LAMA1: variants seen among roughly 807,000 people sequenced by gnomAD.
The protein encoded by LAMA1 is laminin subunit alpha 1, also known as laminin subunit alpha-1.
LAMA1 carries 219 observed loss-of-function variants against 348.7 expected under a neutral mutation model. The ratio of observed to expected loss-of-function variants is 0.63; its 90% confidence interval spans 0.56 to 0.70. LAMA1 has a LOEUF of 0.70. Among genes scored for constraint, LAMA1 ranks in the 30% least tolerant of loss-of-function variants. The pLI, the probability that LAMA1 is intolerant of heterozygous loss-of-function variation, is 0.00. For synonymous variants in LAMA1, 1,487 were observed against 1,491.0 expected (o/e 1.00, Z 0.06); for missense variants, 3,744 against 3,888.0 (o/e 0.96, Z 0.99).
At chr18:7,013,411 T>A (rs185500647) in intron 23 of LAMA1, among the ~76,000 whole-genome samples, 1 of 152,172 alleles carries the variant, frequency 6.6e-6, no homozygotes, top group Non-Finnish European at 1.5e-5. Context: ...AAGTCTTACC[T>A]CTTGGGAAAA....
intron 47 of LAMA1, 54 bp downstream of exon 47, chr18:6,973,003 A>G: frequency 6.2e-7 from 1 of 1,603,420 alleles, no homozygotes; most frequent in South Asian, 1.1e-5. Flanking sequence ...TGACTTTTAT[A>G]TATAGGTAAA....
chr18:7,056,335 A>G (rs1386655467), intron 3 of LAMA1, among the ~76,000 whole-genome samples: 1 of 152,210 alleles, frequency 6.6e-6, no homozygotes, highest in Non-Finnish European at 1.5e-5. Context: ...GGTCATTTAC[A>G]AAGACATCTG....
chr18:7,092,347 A>G (rs1256264473), intron 1 of LAMA1, among the ~76,000 whole-genome samples: 1 of 152,188 alleles, frequency 6.6e-6, no homozygotes, highest in Non-Finnish European at 1.5e-5. Context: ...AATCACTAAG[A>G]ATGCCGGCTG....
intron 36 of LAMA1, among the ~76,000 whole-genome samples, chr18:6,989,899 A>G (rs2057751321): frequency 6.6e-6 from 1 of 152,298 alleles, no homozygotes; most frequent in Admixed American, 6.5e-5. Flanking sequence ...TGCAGATCCT[A>G]GGAAGGTTAA....
At chr18:6,976,541 G>T (rs2057683022) in intron 44 of LAMA1, among the ~76,000 whole-genome samples, 1 of 152,064 alleles carries the variant, frequency 6.6e-6, no homozygotes, top group African/African-American at 2.4e-5. Flanking sequence ...ACATTAAAGA[G>T]TCTAAGTTTG....
chr18:7,104,837 C>T (rs559620136), intron 1 of LAMA1, among the ~76,000 whole-genome samples: 1 of 152,340 alleles, frequency 6.6e-6, no homozygotes, highest in East Asian at 1.9e-4. Context: ...GCTGGACTGG[C>T]CCTTCCAGAA....
At chr18:7,069,937 T>C (rs182973942) in intron 3 of LAMA1, among the ~76,000 whole-genome samples, 5 of 152,248 alleles carry the variant, frequency 3.3e-5, no homozygotes, top group Non-Finnish European at 7.3e-5. Flanking sequence ...AGGTATAAAA[T>C]GAATGTTGCT....
intron 42 of LAMA1, among the ~76,000 whole-genome samples, chr18:6,978,686 A>T (rs79782308): frequency 0.01 from 1,580 of 152,342 alleles, 31 homozygotes; most frequent in African/African-American, 0.037. Flanking sequence ...ATGAGATCAC[A>T]AAAGTAATGG....
rs2057847516 is a variant in LAMA1 at position 7,009,243 on chromosome 18, T to C, written c.3997A>G (p.Ser1333Gly). ...AATTCTAGAAGCTCCAAGTACCTGC[T>C]CTGCTGTAATCCTTGACCATACGAT... ...KASYGQGLQQSRISDISMEVG... is the reference protein window; with the variant it reads ...KASYGQGLQQGRISDISMEVG... Residue 1333 changes from serine (S) to glycine (G), a missense_variant, in exon 27 of 63, where the codon AGC becomes GGC. Around this residue, in one of 3 missense-constraint regions of LAMA1, gnomAD observed 1,983 missense variants for 1,934.3 expected, o/e 1.03. Coordinates refer to ENST00000389658, the MANE Select transcript of LAMA1 (RefSeq NM_005559.4). 1 of 1,614,142 alleles carries C rather than the reference T, an allele frequency of 6.2e-7. No homozygotes were observed. Among genetic ancestry groups the C allele is most frequent in the Non-Finnish European group, 8.5e-7 (1 of 1,180,018 alleles).
At chr18:7,084,620 C>T (rs188018176) in intron 1 of LAMA1, among the ~76,000 whole-genome samples, 7 of 152,322 alleles carry the variant, frequency 4.6e-5, no homozygotes, top group African/African-American at 1.4e-4. Context: ...CAAACTCCAT[C>T]GAGCATGAAA....
intron 61 of LAMA1, among the ~76,000 whole-genome samples, chr18:6,944,695 T>C (rs1000332678): frequency 6.6e-6 from 1 of 152,106 alleles, no homozygotes; most frequent in Non-Finnish European, 1.5e-5. Flanking sequence ...ATAAAGAACC[T>C]TACTAACACA....
chr18:7,082,231 T>A (rs550959364), intron 1 of LAMA1, among the ~76,000 whole-genome samples: 43 of 152,228 alleles, frequency 2.8e-4, no homozygotes, highest in Non-Finnish European at 5.6e-4. Flanking sequence ...ATTTAATATT[T>A]GTACTCTAAA....
chr18:7,067,786 C>T (rs1467960072), intron 3 of LAMA1, among the ~76,000 whole-genome samples: 3 of 152,054 alleles, frequency 2.0e-5, no homozygotes, highest in South Asian at 2.1e-4. Flanking sequence ...CAGGCCTTTC[C>T]CACCCTGCTC....
At chr18:7,038,531 C>T (rs1018309648) in intron 11 of LAMA1, 32 of 482,100 alleles carry the variant, frequency 6.6e-5, no homozygotes, top group African/African-American at 4.7e-4. Context: ...GACCTCCCCA[C>T]CCAATCCATT....
rs1425895871 is a variant in LAMA1 at position 7,008,531 on chromosome 18, T to C, written c.4079A>G (p.Glu1360Gly). 2.5e-6 allele frequency: 4 copies of C among 1,613,986 alleles called. No homozygotes were observed. Among genetic ancestry groups the C allele is most frequent in the East Asian group, 4.5e-5 (2 of 44,878 alleles). The change falls in exon 28 of 63, where the codon GAG (glutamate) becomes GGG (glycine). Residue 1360 changes from glutamate (E) to glycine (G), a missense_variant. Glu to Gly is a moderately conservative substitution (Grantham distance 98, BLOSUM62 -2). This residue lies in a region of LAMA1 where 1,983 missense variants were observed against 1,934.3 expected (regional missense o/e 1.03). Transcript: ENST00000389658. ...HPEEEVASLL[E>G]NCVCPPGTVG... ...AGTGCCAGGAGGACAGACACAATTC[T>C]CTAAAAGAGATGCAACCTCTTCTTC...
chr18:7,074,966 GCAAAAAAAAAAAAAAAA>G (rs1439179909), intron 3 of LAMA1, among the ~76,000 whole-genome samples: 1 of 20,570 alleles, frequency 4.9e-5, no homozygotes, highest in Admixed American at 7.9e-4. Flanking sequence ...ATACATAGAG[GCAAAAAAAAAAAAAAAA>G]AAAAAAAAAA....
Position 7,046,345 on chromosome 18 carries a change from A to G in LAMA1, c.791T>C (p.Ile264Thr), listed in dbSNP as rs1291564917. The G allele has an allele frequency of 6.2e-7, 1 of 1,606,560 alleles. No individual in the cohort carries two copies. The highest frequency in any genetic ancestry group is 1.7e-5 in the Admixed American group (1 of 59,560). Residue 264 changes from isoleucine (I) to threonine (T), a missense_variant, in exon 6 of 63, where the codon ATT becomes ACT. Ile to Thr is a moderately conservative substitution (Grantham distance 89). Coordinates refer to ENST00000389658, the MANE Select transcript of LAMA1 (RefSeq NM_005559.4). ...TRRYYYSIKD[I>T]SVGGMCICYG... The stretch of plus-strand genomic sequence containing the variant: ...GCAGATACACATGCCTCCAACAGAA[A>G]TGTCCTTTATTGAATAATAATACTA...
intron 32 of LAMA1, 98 bp downstream of exon 32, chr18:6,999,347 T>C: frequency 8.4e-7 from 1 of 1,196,528 alleles, no homozygotes; most frequent in Non-Finnish European, 1.2e-6. Flanking sequence ...AATAGGATGT[T>C]TTTATTCTGC....
intron 33 of LAMA1, among the ~76,000 whole-genome samples, chr18:6,997,330 G>A (rs1316196247): frequency 3.3e-5 from 5 of 152,190 alleles, no homozygotes; most frequent in Non-Finnish European, 5.9e-5. Flanking sequence ...CCAAAGTGCT[G>A]GGATGCTGGG....
Sources: allele counts gnomAD v4.1 joint callset (sites outside exome capture counted in the v4.1 genomes callset), GRCh38; gene constraint gnomAD v4.1.1; regional missense constraint gnomAD v4.1.1; transcripts MANE v1.5; gene names NCBI Gene and HGNC (gene_info 2026-07-23, HGNC 2026-07-21).